Variants in MUC22 observed in about 807,000 individuals in gnomAD.
The protein encoded by MUC22 is mucin-22.
In MUC22, 24 loss-of-function variants were observed where a neutral mutation model predicts 40.3. The ratio of observed to expected loss-of-function variants is 0.60; its 90% CI spans 0.43 to 0.84. MUC22 has a LOEUF of 0.84. Among genes scored for constraint, MUC22 ranks in the 40% least tolerant of loss-of-function variants. MUC22 has a pLI of 0.00. For missense variants in MUC22, 1,926 were observed against 2,130.7 expected (o/e 0.90, Z 1.89); for synonymous variants, 765 against 844.5 (o/e 0.91, Z 1.63).
exon 2 of MUC22, chr6:31,029,185 G>T: frequency 6.5e-7 from 1 of 1,534,872 alleles, no homozygotes; most frequent in Non-Finnish European, 8.7e-7. Context: ...CTCTATTGAA[G>T]GCTCTGAGAC....
intron 3 of MUC22, among the ~76,000 whole-genome samples, chr6:31,033,310 A>G (rs939449726): frequency 1.3e-5 from 2 of 149,298 alleles, no homozygotes; most frequent in African/African-American, 2.4e-5. Context: ...AAAGAGAAAG[A>G]AAAAAGAAAG....
intron 1 of MUC22, 136 bp downstream of exon 1, chr6:31,010,912 C>G (rs1334480200): frequency 1.8e-6 from 1 of 560,638 alleles, no homozygotes; most frequent in Non-Finnish European, 3.1e-6. Flanking sequence ...TTTTTTTTTG[C>G]CCATTTCTGC....
intron 1 of MUC22, among the ~76,000 whole-genome samples, chr6:31,021,286 T>C (rs938238779): frequency 1.3e-5 from 2 of 152,204 alleles, no homozygotes; most frequent in African/African-American, 4.8e-5. Flanking sequence ...AGTACACCAA[T>C]GGACACTCTG....
intron 1 of MUC22, among the ~76,000 whole-genome samples, chr6:31,022,207 C>T (rs1166272839): frequency 1.3e-5 from 2 of 152,196 alleles, no homozygotes; most frequent in Non-Finnish European, 2.9e-5. Flanking sequence ...TGGCTTCATT[C>T]TTGAAGTCAG....
In MUC22 at chr6:31,032,223, C is replaced by G; in HGVS notation, c.4697C>G (p.Thr1566Ser). 1 of 1,535,272 alleles carries G rather than the reference C, an allele frequency of 6.5e-7. No homozygotes were observed. Among genetic ancestry groups the G allele is most frequent in the Non-Finnish European group, 8.7e-7 (1 of 1,146,668 alleles). ...ACCAGAACCACTGGAACCAGACTCA[C>G]TGCCTCCAGCTCTGTCACCATGGCC... Residue 1566 changes from threonine (T) to serine (S), a missense_variant, in exon 3 of 4, where the codon ACT becomes AGT. Physicochemically the swap from Thr to Ser is moderately conservative, Grantham distance 58 (BLOSUM62 1). This residue lies in a region of MUC22 where 610 missense variants were observed against 714.6 expected (regional missense o/e 0.85). Coordinates refer to ENST00000561890, the Ensembl canonical transcript of MUC22. This position sits in a 1 kb window ranked among gnomAD's most constrained non-coding sequence, Gnocchi z 4.1.
chr6:31,007,181 G>A (rs1476298525), upstream of MUC22, among the ~76,000 whole-genome samples: 1 of 145,968 alleles, frequency 6.9e-6, no homozygotes, highest in Non-Finnish European at 1.5e-5. This position sits in a 1 kb window ranked among gnomAD's most constrained non-coding sequence, Gnocchi z 4.0. Flanking sequence ...AACATAGACA[G>A]AGGAGGGAAA....
exon 2 of MUC22, chr6:31,029,253 G>C: frequency 2.0e-6 from 3 of 1,535,324 alleles, no homozygotes; most frequent in Non-Finnish European, 2.6e-6. Flanking sequence ...CAGGCACTGA[G>C]ACTACCATCA....
upstream of MUC22, among the ~76,000 whole-genome samples, chr6:31,006,730 G>A (rs1013263570): frequency 6.6e-6 from 1 of 152,160 alleles, no homozygotes; most frequent in Admixed American, 6.5e-5. Flanking sequence ...TATTTAATAT[G>A]ATATATGGAG....
intron 1 of MUC22, among the ~76,000 whole-genome samples, chr6:31,015,888 C>T (rs116559107): frequency 0.011 from 1,660 of 152,142 alleles, 17 homozygotes; most frequent in Non-Finnish European, 0.016. Flanking sequence ...AATTGCCTCT[C>T]GTCCATTTTC....
chr6:31,006,127 A>G, upstream of MUC22: 2 of 400,164 alleles, frequency 5.0e-6, 1 homozygote, highest in South Asian at 3.6e-5. Flanking sequence ...AAAATAAAAA[A>G]TGTTAGGTAA....
chr6:31,017,133 C>T (rs1411311181), intron 1 of MUC22, among the ~76,000 whole-genome samples: 1 of 152,246 alleles, frequency 6.6e-6, no homozygotes, highest in Non-Finnish European at 1.5e-5. Flanking sequence ...AGCGCTGCCC[C>T]TTGCTTTGCG....
chr6:31,030,190 G>A, intron 2 of MUC22, 90 bp downstream of exon 2: 1 of 1,366,058 alleles, frequency 7.3e-7, no homozygotes, highest in East Asian at 2.5e-5. Context: ...TCTCTGCCCT[G>A]GTTCAAGTCA....
chr6:31,015,668 C>T (rs1764145050), intron 1 of MUC22, among the ~76,000 whole-genome samples: 2 of 152,166 alleles, frequency 1.3e-5, no homozygotes, highest in African/African-American at 4.8e-5. Flanking sequence ...TTCCTAGATT[C>T]TAGATTGTGA....
rs1286915910 is a variant in MUC22, at chr6:31,011,371, A to G, written c.70+595A>G. Among the ~76,000 whole-genome samples the G allele has an allele frequency of 6.6e-6, 1 of 151,998 alleles. No individual in the cohort carries two copies. Among genetic ancestry groups the G allele is most frequent in the Non-Finnish European group, 1.5e-5 (1 of 67,956 alleles). On this transcript the variant is annotated intron_variant, in intron 1 of 3. Coordinates refer to ENST00000561890, the Ensembl canonical transcript of MUC22. This position sits in a 1 kb window ranked among gnomAD's most constrained non-coding sequence, Gnocchi z 4.5. ...CCCCCGTCCTTCCTCCCTAGTGCCC[A>G]AAGTCCACTGTATCATTCTCATGCG...
At chr6:31,033,291 CTG>C (rs1255178267) in intron 3 of MUC22, among the ~76,000 whole-genome samples, 3 of 148,022 alleles carry the variant, frequency 2.0e-5, no homozygotes, top group South Asian at 2.2e-4. Flanking sequence ...AAGAAAGAAA[CTG>C]AGAGAGAAAG....
intron 1 of MUC22, 47 bp downstream of exon 1, chr6:31,010,823 T>A (rs1763814200): frequency 1.4e-6 from 1 of 701,248 alleles, no homozygotes; most frequent in Non-Finnish European, 2.6e-6. Context: ...GGAGGCCACA[T>A]AAGCCCTGAA....
chr6:31,013,434 C>T (rs1434520647), intron 1 of MUC22, among the ~76,000 whole-genome samples: 1 of 152,044 alleles, frequency 6.6e-6, no homozygotes, highest in Non-Finnish European at 1.5e-5. Context: ...GCCCCTCACC[C>T]CCATTCTTGA....
At chr6:31,028,433 G>T (rs9468860) in exon 2 of MUC22, 19,044 of 1,530,020 alleles carry the variant, frequency 0.012, 319 homozygotes, top group African/African-American at 0.018. Context: ...TCTACTGAAG[G>T]CTCCGAGACC....
chr6:31,029,715 C>T, exon 2 of MUC22: 1 of 1,534,094 alleles, frequency 6.5e-7, no homozygotes, highest in South Asian at 1.2e-5. Context: ...CCACCACCAC[C>T]TCTACTGAAG....
Sources: gnomAD v4.1 joint callset for allele counts (sites outside exome capture counted in the v4.1 genomes callset) on GRCh38, gnomAD v4.1.1 for gene constraint, gnomAD v4.1.1 regional missense constraint, Gnocchi (gnomAD v3.1) non-coding constraint, MANE v1.5 for transcripts, NCBI Gene and HGNC (gene_info 2026-07-23, HGNC 2026-07-21) for gene names.